HEATR5A: variants seen among roughly 807,000 people sequenced by gnomAD.
The protein encoded by HEATR5A is HEAT repeat containing 5A.
Under a neutral mutation model 218.8 loss-of-function variants are expected in HEATR5A, and 178 were observed. The observed-to-expected ratio is 0.81, with a 90% confidence interval of 0.72 to 0.92. The LOEUF is 0.92. Ranked by LOEUF, HEATR5A falls within the 40% of genes least tolerant of loss-of-function variation. HEATR5A has a pLI of 0.00. For synonymous variants in HEATR5A, 864 were observed against 871.6 expected (o/e 0.99, Z 0.15); for missense variants, 2,420 against 2,418.9 (o/e 1.00, Z -0.01).
At chr14:31,349,674 TTTTTC>T in intron 18 of HEATR5A, 110 bp downstream of exon 18, 1 of 689,444 alleles carries the variant, frequency 1.5e-6, no homozygotes, top group Admixed American at 3.1e-5. Context: ...CATTTGACAA[TTTTTC>T]TTTTCTTAGT....
chr14:31,371,760 ATAT>A (rs1566772036), intron 13 of HEATR5A, 47 bp downstream of exon 13: 1 of 849,028 alleles, frequency 1.2e-6, no homozygotes, highest in South Asian at 2.0e-5. Flanking sequence ...TACTTAAGGA[ATAT>A]TACATAATCA....
At chr14:31,389,532 A>G (rs978511462) in intron 6 of HEATR5A, among the ~76,000 whole-genome samples, 3 of 152,216 alleles carry the variant, frequency 2.0e-5, no homozygotes, top group Admixed American at 6.5e-5. Context: ...AAATTCATTA[A>G]AACTACTCAG....
intron 28 of HEATR5A, 78 bp from the exon 29 acceptor site, chr14:31,309,260 C>A: frequency 6.7e-7 from 1 of 1,482,558 alleles, no homozygotes; most frequent in South Asian, 1.3e-5. Context: ...AAGATATAGA[C>A]CATTTCCATC....
chr14:31,419,397 TTCTCC>T (rs2031565479), intron 1 of HEATR5A, among the ~76,000 whole-genome samples: 1 of 152,204 alleles, frequency 6.6e-6, no homozygotes, highest in South Asian at 2.1e-4. Context: ...TTAAACAAAA[TTCTCC>T]TCTCCCCATC....
rs761037826 is a variant in HEATR5A, at chr14:31,350,665, G to A, written c.2464C>T (p.Arg822Cys). ...ACATGTAACTGAACCACTTGCTGAC[G>A]AGCTCCTTTTGTGTGCTTTATACTG... Reference protein sequence around the residue: ...LDSIKHTKGARQQVVQLHVVS... With the variant: ...LDSIKHTKGACQQVVQLHVVS... Residue 822 changes from arginine (R) to cysteine (C), a missense_variant, in exon 17 of 36, where the codon CGT (arginine) becomes TGT (cysteine). Coordinates refer to ENST00000543095, the MANE Select transcript of HEATR5A (RefSeq NM_015473.4). 18 of 1,602,798 alleles carry A rather than the reference G, an allele frequency of 1.1e-5. No individual in the cohort carries two copies. Among genetic ancestry groups the A allele is most frequent in the Middle Eastern group, 3.3e-4 (2 of 6,068 alleles).
At chr14:31,398,536 A>G in intron 4 of HEATR5A, 137 bp downstream of exon 4, 1 of 558,560 alleles carries the variant, frequency 1.8e-6, no homozygotes, top group Non-Finnish European at 3.1e-6. Flanking sequence ...CATCACCTAG[A>G]AATATTAATT....
intron 13 of HEATR5A, among the ~76,000 whole-genome samples, chr14:31,366,548 G>C (rs1200616087): frequency 1.3e-5 from 2 of 152,118 alleles, no homozygotes; most frequent in Non-Finnish European, 2.9e-5. Context: ...ATTTAGAAAA[G>C]CATTTTTATT....
At chr14:31,316,888 G>A (rs577350694) in intron 26 of HEATR5A, among the ~76,000 whole-genome samples, 13 of 152,192 alleles carry the variant, frequency 8.5e-5, no homozygotes, top group East Asian at 3.9e-4. Context: ...GGATCTCCCC[G>A]TGTTGCCCAG....
chr14:31,332,077 T>G (rs1304206920), intron 22 of HEATR5A, among the ~76,000 whole-genome samples: 1 of 152,186 alleles, frequency 6.6e-6, no homozygotes, highest in Non-Finnish European at 1.5e-5. Flanking sequence ...GGTTTACGTG[T>G]GTATATGGAG....
chr14:31,305,100 T>C lies in HEATR5A; in HGVS notation c.5044A>G (p.Lys1682Glu), dbSNP rs1284566775. 6 of 1,613,848 alleles carry C rather than the reference T, an allele frequency of 3.7e-6. No individual in the cohort carries two copies. Among genetic ancestry groups the C allele is most frequent in the Non-Finnish European group, 5.1e-6 (6 of 1,179,886 alleles). Residue 1682 changes from lysine (K) to glutamate (E), a missense_variant, in exon 32 of 36, where the codon AAG (lysine) becomes GAG (glutamate). Coordinates refer to ENST00000543095, the MANE Select transcript of HEATR5A (RefSeq NM_015473.4). Reference sequence around the variant, plus strand: ...TCCAGTGTTGCAAAGACCAAAGACTTTCCAGGCACAAGTCCTCCGGTGTCC... The same window carrying C: ...TCCAGTGTTGCAAAGACCAAAGACTCTCCAGGCACAAGTCCTCCGGTGTCC... The part of the protein sequence containing the change: ...GKDTGGLVPG[K>E]SLVFATLELC...
At chr14:31,336,697 A>G (rs1308157561) in intron 22 of HEATR5A, among the ~76,000 whole-genome samples, 2 of 152,196 alleles carry the variant, frequency 1.3e-5, no homozygotes, top group African/African-American at 4.8e-5. Flanking sequence ...TATGAAAGTG[A>G]GATTCTGCGG....
intron 22 of HEATR5A, among the ~76,000 whole-genome samples, chr14:31,330,006 C>T (rs548159848): frequency 1.4e-4 from 21 of 152,212 alleles, no homozygotes; most frequent in African/African-American, 3.4e-4. Context: ...CCATCATGCC[C>T]GGCCTTGACA....
intron 25 of HEATR5A, among the ~76,000 whole-genome samples, chr14:31,318,744 C>A (rs1300488488): frequency 6.6e-6 from 1 of 152,210 alleles, no homozygotes; most frequent in East Asian, 1.9e-4. Context: ...ACTGCCTCCT[C>A]CCAAAGTGCT....
At chr14:31,378,070 C>T (rs190010112) in intron 11 of HEATR5A, among the ~76,000 whole-genome samples, 3 of 152,292 alleles carry the variant, frequency 2.0e-5, no homozygotes, top group Admixed American at 1.3e-4. Context: ...AACTTCAATA[C>T]GGCAGGCATG....
intron 16 of HEATR5A, among the ~76,000 whole-genome samples, chr14:31,351,202 T>A (rs1901214810): frequency 6.6e-6 from 1 of 152,228 alleles, no homozygotes; most frequent in Non-Finnish European, 1.5e-5. Flanking sequence ...ACAAATGTAG[T>A]CAATATTGAT....
Position 31,302,408 on chromosome 14 carries a change from T to A in HEATR5A, c.5351A>T (p.Gln1784Leu). 1 of 1,600,570 alleles carries A rather than the reference T, an allele frequency of 6.2e-7. No individual in the cohort carries two copies. The highest frequency in any genetic ancestry group is 1.3e-5 in the African/African-American group (1 of 74,838). The change falls in exon 33 of 36, where the codon CAG (glutamine) becomes CTG (leucine). Residue 1784 changes from glutamine to leucine, a missense_variant. Physicochemically the swap from Gln to Leu is moderately radical, Grantham distance 113. Coordinates refer to ENST00000543095, the MANE Select transcript of HEATR5A (RefSeq NM_015473.4). ...AGAAGATAATATTCCTTTTAGAGCC[T>A]GTAGGGAAGCTGCAACTGTCGAAGA... ...QLSSTVAASL[Q>L]ALKGILSSPM...
At chr14:31,388,180 C>T (rs2030308597) in intron 7 of HEATR5A, among the ~76,000 whole-genome samples, 1 of 152,094 alleles carries the variant, frequency 6.6e-6, no homozygotes, top group Non-Finnish European at 1.5e-5. Context: ...TAGAAACACA[C>T]AGTTTAATTA....
At chr14:31,402,341 T>A (rs967488451) in intron 2 of HEATR5A, among the ~76,000 whole-genome samples, 2 of 152,208 alleles carry the variant, frequency 1.3e-5, no homozygotes, top group African/African-American at 4.8e-5. Flanking sequence ...CGGCAAAATG[T>A]TACTAATTGC....
At chr14:31,318,379 T>C in intron 25 of HEATR5A, 87 bp from the exon 26 acceptor site, 1 of 1,064,720 alleles carries the variant, frequency 9.4e-7, no homozygotes. Flanking sequence ...TAAAATTATT[T>C]ATTTATAACA....
Sources: allele counts gnomAD v4.1 joint callset (sites outside exome capture counted in the v4.1 genomes callset), GRCh38; gene constraint gnomAD v4.1.1; transcripts MANE v1.5; gene names NCBI Gene and HGNC (gene_info 2026-07-23, HGNC 2026-07-21).